The following GEM variants were observed in gnomAD, a reference collection of about 807,000 sequenced individuals.
GEM encodes the protein GTP binding protein overexpressed in skeletal muscle.
A neutral mutation model predicts 33.0 loss-of-function variants in GEM; 31 were observed. The ratio of observed to expected loss-of-function variants is 0.94; its 90% confidence interval spans 0.71 to 1.27. GEM has a LOEUF of 1.27. Ranked by LOEUF, GEM falls within the 50% of genes most tolerant of loss-of-function variation. The pLI, the probability that GEM is intolerant of heterozygous loss-of-function variation, is 0.00. For synonymous variants in GEM, 141 were observed against 143.7 expected, an observed-to-expected ratio of 0.98 and a Z score of 0.13; for missense variants, 354 against 390.5, an observed-to-expected ratio of 0.91 and a Z score of 0.79.
At position 94,250,126 on chromosome 8, in the gene GEM, T is replaced by C; in HGVS notation, c.*184A>G. The C allele has an allele frequency of 1.7e-6, 1 of 589,474 alleles. No homozygotes were observed. The highest frequency in any genetic ancestry group is 2.4e-5 in the South Asian group (1 of 41,568). The allele number at this position is 589,474 out of a possible 1,614,324, so 36.5% of individuals were successfully genotyped here. ...AGGTCAGGCTTTTCCTGGAAATAAA[T>C]ACTGACTTTTTACAAAAATCTTTCA... On this transcript the variant is annotated 3_prime_UTR_variant, in exon 5 of 5. Transcript: ENST00000297596.
chr8:94,252,050 G>A lies in GEM; in HGVS notation c.582C>T (p.Asp194=), dbSNP rs762942878. ...CAGACACTTCTCGGCACCGCACTAA[G>A]TCACTTTTGTTGCCAACCAAAATTA... The part of the protein sequence containing the change: ...IPIILVGNKS[D]LVRCREVSVS... Residue 194 remains aspartate, a synonymous_variant, in exon 4 of 5, where the codon GAC becomes GAT. Coordinates refer to ENST00000297596, the MANE Select transcript of GEM (RefSeq NM_005261.4). 5.6e-6 allele frequency: 9 copies of A among 1,614,028 alleles called. No individual in the cohort carries two copies. The highest frequency in any genetic ancestry group is 7.6e-6 in the Non-Finnish European group (9 of 1,179,880).
chr8:94,259,806 A>G lies in GEM; in HGVS notation c.331+367T>C, dbSNP rs555459621. On this transcript the variant is annotated intron_variant, in intron 2 of 4. Coordinates refer to ENST00000297596, the MANE Select transcript of GEM (RefSeq NM_005261.4). ...TGGCTTGTTTTAGGTATAACCATGG[A>G]AAAAGGCTGTGTCTATACTGAGTTC... 1.6e-3 allele frequency: 285 copies of G among 182,808 alleles called. 1 individual carries two copies. Among genetic ancestry groups the G allele is most frequent in the African/African-American group, 6.3e-3 (270 of 42,836 alleles). 11.3% of individuals were successfully genotyped at this position (182,808 alleles called of 1,614,324 possible). A position where few individuals can be genotyped will look rare whatever the true frequency, so the allele number is the denominator to read the frequency against.
rs1371161828 is a variant in GEM at position 94,249,446 on chromosome 8, G to C, written c.*864C>G. ...ATAGAGCAGAGCTGTGACATACAAG[G>C]GTCAACCAAAGTACTGGAAGTTTTT... On this transcript the variant is annotated 3_prime_UTR_variant, in exon 5 of 5. Transcript: ENST00000297596. 2.0e-5 allele frequency: 3 copies of C among 151,992 alleles called. No homozygotes were observed. Among genetic ancestry groups the C allele is most frequent in the African/African-American group, 7.3e-5 (3 of 41,372 alleles). The allele number at this position is 151,992 out of a possible 1,614,324, so 9.4% of individuals were successfully genotyped here. A position where few individuals can be genotyped will look rare whatever the true frequency, so the allele number is the denominator to read the frequency against.
intron 2 of GEM, among the ~76,000 whole-genome samples, chr8:94,255,603 C>T (rs1808874730): frequency 1.3e-5 from 2 of 152,186 alleles, no homozygotes; most frequent in Admixed American, 1.3e-4. Flanking sequence ...ATCTAAGTTG[C>T]TCAGCTCATC....
At chr8:94,255,907 G>C (rs1297091783) in intron 2 of GEM, among the ~76,000 whole-genome samples, 2 of 152,086 alleles carry the variant, frequency 1.3e-5, no homozygotes, top group African/African-American at 4.8e-5. Flanking sequence ...ACTTTCTCTA[G>C]ACCAGTTTGT....
chr8:94,257,224 A>C (rs1808909204), intron 2 of GEM, among the ~76,000 whole-genome samples: 1 of 151,966 alleles, frequency 6.6e-6, no homozygotes, highest in African/African-American at 2.4e-5. Context: ...TTTGTTGCCC[A>C]GGCTGGAGTG....
intron 3 of GEM, 113 bp from the exon 4 acceptor site, chr8:94,252,336 G>C (rs1265714878): frequency 2.8e-6 from 2 of 725,102 alleles, no homozygotes; most frequent in Non-Finnish European, 2.3e-6. Flanking sequence ...AGGAAAAATA[G>C]GAAAAAGGAA....
intron 2 of GEM, among the ~76,000 whole-genome samples, chr8:94,253,904 C>T (rs993660366): frequency 6.6e-6 from 1 of 152,170 alleles, no homozygotes; most frequent in African/African-American, 2.4e-5. Flanking sequence ...TGGGATTTCC[C>T]TCATCCCAAT....
intron 3 of GEM, among the ~76,000 whole-genome samples, chr8:94,252,614 G>T (rs1045675345): frequency 3.3e-5 from 5 of 152,098 alleles, no homozygotes; most frequent in African/African-American, 9.7e-5. Context: ...CACTTTTGTG[G>T]GACTAGGAGG....
At position 94,250,221 on chromosome 8, in the gene GEM, T is replaced by C; in HGVS notation, c.*89A>G. ...CTGCTACAATGGGGGAAACCACATC[T>C]AACTTAAGTATTCAATCTAATATAG... On this transcript the variant is annotated 3_prime_UTR_variant, in exon 5 of 5. Coordinates refer to ENST00000297596, the MANE Select transcript of GEM (RefSeq NM_005261.4). The C allele has an allele frequency of 2.8e-6, 3 of 1,087,710 alleles. No homozygotes were observed. The highest frequency in any genetic ancestry group is 4.0e-6 in the Non-Finnish European group (3 of 746,234). 67.4% of individuals were successfully genotyped at this position (1,087,710 alleles called of 1,614,324 possible). A position where few individuals can be genotyped will look rare whatever the true frequency, so the allele number is the denominator to read the frequency against.
chr8:94,260,439 C>T lies in GEM; in HGVS notation c.65G>A (p.Trp22Ter). Residue 22 changes from tryptophan (W) to a stop codon, truncating the protein, a stop_gained, in exon 2 of 5, where the codon TGG becomes TAG. Transcript: ENST00000297596. LOFTEE classifies it high-confidence loss of function. Reference sequence around the variant, plus strand: ...ATGCCTGCCATCAGCTGGGATGCTCCAGCGCTGCTGCTGTGGCTGCATGCC... The same window carrying T: ...ATGCCTGCCATCAGCTGGGATGCTCTAGCGCTGCTGCTGTGGCTGCATGCC... ...TVGMQPQQQR[W>*]SIPADGRHLM... 4 of 1,613,786 alleles carry T rather than the reference C, an allele frequency of 2.5e-6. No homozygotes were observed. The highest frequency in any genetic ancestry group is 3.4e-6 in the Non-Finnish European group (4 of 1,179,816).
rs1167506266 is a variant in GEM, at chr8:94,250,521, TTGTGCTGGACAG to T, written c.668_679del (p.Ala223_Asn227delinsAsp). On this transcript the variant is annotated inframe_deletion, in exon 5 of 5. Coordinates refer to ENST00000297596, the MANE Select transcript of GEM (RefSeq NM_005261.4). ...AATGCCCTCAAACAGCTCCTTCACG[TTGTGCTGGACAG>T]CTGCAGAGGTCTCGATGAACTTGCA... 6.2e-7 allele frequency: 1 copy of T among 1,614,028 alleles called. No individual in the cohort carries two copies. Among genetic ancestry groups the T allele is most frequent in the East Asian group, 2.2e-5 (1 of 44,888 alleles).
chr8:94,261,784 G>C (rs547106277), intron 1 of GEM, among the ~76,000 whole-genome samples: 2 of 152,138 alleles, frequency 1.3e-5, no homozygotes, highest in African/African-American at 4.8e-5. Flanking sequence ...CCGGCTACTG[G>C]TGATAAAGTA....
At chr8:94,261,678 A>G (rs776548157) in intron 1 of GEM, among the ~76,000 whole-genome samples, 13 of 152,144 alleles carry the variant, frequency 8.5e-5, no homozygotes, top group Admixed American at 3.9e-4. Context: ...TCTTGAAGCA[A>G]ATCAGAAGGC....
At chr8:94,255,638 A>T (rs1468211806) in intron 2 of GEM, among the ~76,000 whole-genome samples, 1 of 152,190 alleles carries the variant, frequency 6.6e-6, no homozygotes, top group Admixed American at 6.5e-5. Flanking sequence ...AGTGCTAATC[A>T]GGTGAGAAGA....
chr8:94,250,766 C>T (rs920048719), intron 4 of GEM, among the ~76,000 whole-genome samples, 179 bp from the exon 5 acceptor site: 8 of 152,194 alleles, frequency 5.3e-5, no homozygotes, highest in Non-Finnish European at 1.0e-4. Context: ...TGGAGGGTCC[C>T]TGGAAGTAAG....
chr8:94,257,311 G>A (rs530873263), intron 2 of GEM, among the ~76,000 whole-genome samples: 4 of 152,138 alleles, frequency 2.6e-5, no homozygotes, highest in African/African-American at 9.6e-5. Context: ...CTCCTCAGTA[G>A]CTGGGATTAC....
At chr8:94,260,687 T>C in intron 1 of GEM, 175 bp from the exon 2 acceptor site, 1 of 576,342 alleles carries the variant, frequency 1.7e-6, no homozygotes, top group East Asian at 2.8e-5. Context: ...GGCTTTCAAC[T>C]GGACACACAC....
intron 2 of GEM, among the ~76,000 whole-genome samples, chr8:94,254,246 T>G (rs1429352573): frequency 6.6e-6 from 1 of 152,212 alleles, no homozygotes; most frequent in Non-Finnish European, 1.5e-5. Flanking sequence ...CTCGTAATGT[T>G]AGGGCAGACA....
Sources: allele counts gnomAD v4.1 joint callset (sites outside exome capture counted in the v4.1 genomes callset), GRCh38; gene constraint gnomAD v4.1.1; transcripts MANE v1.5; gene names NCBI Gene and HGNC (gene_info 2026-07-23, HGNC 2026-07-21).